Variants in OR11G2 observed in about 807,000 individuals in gnomAD.
The protein encoded by OR11G2 is olfactory receptor 11G2.
OR11G2 carries 2 observed loss-of-function variants against 0.9 expected under a neutral mutation model. That is an observed-to-expected ratio of 2.35 (90% CI 0.96 to 7.38). The LOEUF is 7.38. Ranked by LOEUF, OR11G2 falls within the 30% of genes most tolerant of loss-of-function variation. The pLI is 0.05. For missense variants in OR11G2, 395 were observed against 371.3 expected (o/e 1.06, Z -0.52); for synonymous variants, 153 against 142.0 (o/e 1.08, Z -0.55).
rs1172551081 is a variant in OR11G2 at position 20,201,064 on chromosome 14, CAT to C, written c.*2692_*2693del. The C allele has an allele frequency of 1.3e-5, 2 of 151,946 alleles. No homozygotes were observed. The highest frequency in any genetic ancestry group is 2.9e-5 in the Non-Finnish European group (2 of 68,006). The allele number at this position is 151,946 out of a possible 1,614,324, so 9.4% of individuals were successfully genotyped here. ...CCTTTTGTGCGTTCAAATTCTTTAT[CAT>C]GTGCCTATATTATGCATTGAAAAAA... On this transcript the variant is annotated 3_prime_UTR_variant, in exon 2 of 2. Coordinates refer to ENST00000641879, the MANE Select transcript of OR11G2 (RefSeq NM_001386033.1).
chr14:20,192,447 T>G (rs1879672398), intron 1 of OR11G2, among the ~76,000 whole-genome samples: 1 of 152,212 alleles, frequency 6.6e-6, no homozygotes, highest in Non-Finnish European at 1.5e-5. Flanking sequence ...CTGTCCTAAT[T>G]CTATATCCAA....
chr14:20,200,210 T>TC lies in OR11G2; in HGVS notation c.*1840dup, dbSNP rs1879873950. 1 of 151,422 alleles carries TC rather than the reference T, an allele frequency of 6.6e-6. No individual in the cohort carries two copies. The highest frequency in any genetic ancestry group is 1.5e-5 in the Non-Finnish European group (1 of 67,890). The allele number at this position is 151,422 out of a possible 1,614,324, so 9.4% of individuals were successfully genotyped here. A position where few individuals can be genotyped will look rare whatever the true frequency, so the allele number is the denominator to read the frequency against. The stretch of plus-strand genomic sequence containing the variant: ...CACCACCCTTTTAACTAGCCCAAGT[T>TC]CCCTTTGCTTTGAAAAGTAACCCTG... On this transcript the variant is annotated 3_prime_UTR_variant, in exon 2 of 2. Transcript: ENST00000641879.
At chr14:20,196,534 T>C (rs968986865) in intron 1 of OR11G2, among the ~76,000 whole-genome samples, 5 of 152,198 alleles carry the variant, frequency 3.3e-5, no homozygotes, top group African/African-American at 1.2e-4. Flanking sequence ...TATTCAGCCT[T>C]CAAAAGCCAC....
At chr14:20,197,364 A>T (rs1415086903) in intron 1 of OR11G2, 70 bp from the exon 2 acceptor site, 1 of 1,572,116 alleles carries the variant, frequency 6.4e-7, no homozygotes, top group Admixed American at 1.9e-5. Flanking sequence ...AATGATTTAA[A>T]TATAAATCTG....
chr14:20,198,397 C>T lies in OR11G2; in HGVS notation c.*24C>T, dbSNP rs2318886. On this transcript the variant is annotated 3_prime_UTR_variant, in exon 2 of 2. Coordinates refer to ENST00000641879, the MANE Select transcript of OR11G2 (RefSeq NM_001386033.1). ...AAAATGTTAATCAAAAAGGTCCTTG[C>T]GTAATTAATCTTGTCTTTAATTTTG... 798,183 of 1,475,676 alleles carry T rather than the reference C, an allele frequency of 0.54. 217,487 individuals carry two copies. Among genetic ancestry groups the T allele is most frequent in the Middle Eastern group, 0.66 (3,539 of 5,396 alleles). The allele number at this position is 1,475,676 out of a possible 1,614,324, so 91.4% of individuals were successfully genotyped here. A position where few individuals can be genotyped will look rare whatever the true frequency, so the allele number is the denominator to read the frequency against.
At chr14:20,193,877 A>G (rs1879702042) in intron 1 of OR11G2, among the ~76,000 whole-genome samples, 1 of 152,194 alleles carries the variant, frequency 6.6e-6, no homozygotes. Context: ...GTGTGTGTGT[A>G]GTCCAAACGT....
chr14:20,193,293 T>C (rs1879691449), intron 1 of OR11G2, among the ~76,000 whole-genome samples: 1 of 152,184 alleles, frequency 6.6e-6, no homozygotes, highest in South Asian at 2.1e-4. Context: ...GGCTAATTTG[T>C]GTGTTTTTAG....
At chr14:20,192,982 G>T (rs1879684897) in intron 1 of OR11G2, among the ~76,000 whole-genome samples, 1 of 152,206 alleles carries the variant, frequency 6.6e-6, no homozygotes, top group Non-Finnish European at 1.5e-5. Context: ...AATTCCAATG[G>T]CTTTGGAAAC....
Position 20,197,893 on chromosome 14 carries a change from C to G in OR11G2, c.456C>G (p.Cys152Trp). ...TCTGTACCAATCTTGTGGTCAATTG[C>G]TGGGTACTTGGTTTCATCTGGTTCT... ...RRLCTNLVVN[C>W]WVLGFIWFLI... Residue 152 changes from cysteine to tryptophan, a missense_variant, in exon 2 of 2, where the codon TGC becomes TGG. By Grantham distance (215) the Cys-to-Trp change is radical (BLOSUM62 -2). Coordinates refer to ENST00000641879, the MANE Select transcript of OR11G2 (RefSeq NM_001386033.1). The G allele has an allele frequency of 6.2e-7, 1 of 1,614,040 alleles. No individual in the cohort carries two copies. The highest frequency in any genetic ancestry group is 8.5e-7 in the Non-Finnish European group (1 of 1,179,930).
chr14:20,198,132 T>C lies in OR11G2; in HGVS notation c.695T>C (p.Val232Ala), dbSNP rs1451531259. ...CTGGTCGTGAGAGCTGTGTTGAGGG[T>C]CCCTTCAGCAGCTGGGAGAAGAAAG... ...YALVVRAVLRVPSAAGRRKAF... is the reference protein window; with the variant it reads ...YALVVRAVLRAPSAAGRRKAF... The change falls in exon 2 of 2, where the codon GTC becomes GCC. Residue 232 changes from valine (V) to alanine (A), a missense_variant. Val to Ala is a moderately conservative substitution (Grantham distance 64). Coordinates refer to ENST00000641879, the MANE Select transcript of OR11G2 (RefSeq NM_001386033.1). 1 of 1,614,000 alleles carries C rather than the reference T, an allele frequency of 6.2e-7. No homozygotes were observed. Among genetic ancestry groups the C allele is most frequent in the Non-Finnish European group, 8.5e-7 (1 of 1,180,036 alleles).
In OR11G2 at chr14:20,191,110, A is replaced by G. The variant is rs1027588298; in HGVS notation, c.-561A>G. On this transcript the variant is annotated 5_prime_UTR_variant, in exon 1 of 2. It removes the in-frame stop codon of an upstream open reading frame in the 5' UTR. Transcript: ENST00000641879. ...AAAGTTTCCAGGATTGGTAAAGCCT[A>G]GGTTGTAATTCAAGTCCTAGGCTCC... The G allele has an allele frequency of 6.6e-6, 1 of 152,218 alleles. No individual in the cohort carries two copies. Among genetic ancestry groups the G allele is most frequent in the African/African-American group, 2.4e-5 (1 of 41,450 alleles). 9.4% of individuals were successfully genotyped at this position (152,218 alleles called of 1,614,324 possible).
chr14:20,198,351 T>C lies in OR11G2; in HGVS notation c.914T>C (p.Leu305Pro). Residue 305 changes from leucine (L) to proline (P), a missense_variant, in exon 2 of 2, where the codon CTG becomes CCG. Coordinates refer to ENST00000641879, the MANE Select transcript of OR11G2 (RefSeq NM_001386033.1). ...AGGAACAAAGATATGAGAAAAGCTC[T>C]GAAGAAATTTTGGGGAACATAAAAT... ...SLRNKDMRKA[L>P]KKFWGT 1 of 1,563,864 alleles carries C rather than the reference T, an allele frequency of 6.4e-7. No homozygotes were observed. Among genetic ancestry groups the C allele is most frequent in the Non-Finnish European group, 8.6e-7 (1 of 1,159,902 alleles).
chr14:20,195,880 G>A (rs1189662434), intron 1 of OR11G2, among the ~76,000 whole-genome samples: 2 of 152,130 alleles, frequency 1.3e-5, no homozygotes, highest in African/African-American at 4.8e-5. Context: ...AAATACACAT[G>A]GGAGCACTGG....
At position 20,199,328 on chromosome 14, in the gene OR11G2, T is replaced by A. The variant is rs904147382; in HGVS notation, c.*955T>A. 1.3e-5 allele frequency: 2 copies of A among 152,288 alleles called. No individual in the cohort carries two copies. Among genetic ancestry groups the A allele is most frequent in the African/African-American group, 4.8e-5 (2 of 41,464 alleles). 9.4% of individuals were successfully genotyped at this position (152,288 alleles called of 1,614,324 possible). On this transcript the variant is annotated 3_prime_UTR_variant, in exon 2 of 2. Transcript: ENST00000641879. ...GCCTAGCTTCTGTGGTCCTTCCCTC[T>A]CCAGGATTTCTCAAACGCCAGGTGC...
chr14:20,193,858 T>C (rs960083413), intron 1 of OR11G2, among the ~76,000 whole-genome samples: 3 of 152,160 alleles, frequency 2.0e-5, no homozygotes, highest in Non-Finnish European at 2.9e-5. Context: ...GGTATGGAAT[T>C]GTTGGCTAGT....
In OR11G2 at chr14:20,197,843, T is replaced by C; in HGVS notation, c.406T>C (p.Tyr136His). The change falls in exon 2 of 2, where the codon TAT (tyrosine) becomes CAT (histidine). Residue 136 changes from tyrosine (Y) to histidine (H), a missense_variant. Transcript: ENST00000641879. Reference sequence around the variant, plus strand: ...CCTTGCCATCTGTCGGCCTCTACGCTATCCAACCATTATGACCAGACGTCT... The same window carrying C: ...CCTTGCCATCTGTCGGCCTCTACGCCATCCAACCATTATGACCAGACGTCT... ...RYLAICRPLR[Y>H]PTIMTRRLCT... The C allele has an allele frequency of 6.2e-7, 1 of 1,614,146 alleles. No homozygotes were observed. Among genetic ancestry groups the C allele is most frequent in the South Asian group, 1.1e-5 (1 of 91,080 alleles).
chr14:20,196,608 C>G (rs961813290), intron 1 of OR11G2, among the ~76,000 whole-genome samples: 3 of 152,062 alleles, frequency 2.0e-5, no homozygotes, highest in Non-Finnish European at 2.9e-5. Flanking sequence ...CTAATATCGC[C>G]TACAAACCCA....
intron 1 of OR11G2, 168 bp from the exon 2 acceptor site, chr14:20,197,266 G>GT: frequency 1.1e-6 from 1 of 880,090 alleles, no homozygotes; most frequent in Non-Finnish European, 1.7e-6. Flanking sequence ...CAGTTTAAAA[G>GT]AAAAAAAGTG....
At position 20,197,961 on chromosome 14, in the gene OR11G2, C is replaced by G. The variant is rs765512276; in HGVS notation, c.524C>G (p.Ser175Cys). ...VNISQMSFCG[S>C]RIIDHFLCDP... ...ATCTCCCAAATGTCCTTCTGTGGAT[C>G]TAGGATTATTGACCACTTCCTATGT... Residue 175 changes from serine (S) to cysteine (C), a missense_variant, in exon 2 of 2, where the codon TCT becomes TGT. By Grantham distance (112) the Ser-to-Cys change is moderately radical. Transcript: ENST00000641879. The G allele has an allele frequency of 5.6e-5, 91 of 1,613,984 alleles. No homozygotes were observed. Among genetic ancestry groups the G allele is most frequent in the Non-Finnish European group, 7.4e-5 (87 of 1,180,006 alleles).
Sources: gnomAD v4.1 joint callset for allele counts (sites outside exome capture counted in the v4.1 genomes callset) on GRCh38, gnomAD v4.1.1 for gene constraint, MANE v1.5 for transcripts, NCBI Gene and HGNC (gene_info 2026-07-23, HGNC 2026-07-21) for gene names.